The following DLGAP1 variants were observed in gnomAD, a reference collection of about 807,000 sequenced individuals.
DLGAP1 encodes disks large-associated protein 1.
Under a neutral mutation model 90.8 loss-of-function variants are expected in DLGAP1, and 11 were observed. The observed-to-expected ratio is 0.12, with a 90% CI of 0.08 to 0.20. The LOEUF (loss-of-function observed/expected upper bound fraction) is 0.20, where lower values mean the gene tolerates loss of function less well. DLGAP1 is among the 10% of genes least tolerant of loss of function. The probability of loss-of-function intolerance (pLI) is 1.00; values close to 1 mark genes in which losing one functional copy is unlikely to be tolerated. For synonymous variants in DLGAP1, 558 were observed against 540.7 expected, an observed-to-expected ratio of 1.03 and a Z score of -0.44; for missense variants, 1,050 against 1,333.8, an observed-to-expected ratio of 0.79 and a Z score of 3.31.
At chr18:4,140,933 T>C (rs2076485472) in intron 2 of DLGAP1, among the ~76,000 whole-genome samples, 1 of 151,990 alleles carries the variant, frequency 6.6e-6, no homozygotes, top group Non-Finnish European at 1.5e-5. Context: ...ATGTTATTTG[T>C]TTTTTTCTCT....
At chr18:4,272,664 C>T (rs996237118) in intron 1 of DLGAP1, among the ~76,000 whole-genome samples, 6 of 152,150 alleles carry the variant, frequency 3.9e-5, no homozygotes, top group African/African-American at 1.4e-4. Flanking sequence ...ACAGATTCAA[C>T]ATATATAAAA....
chr18:3,731,571 C>CT (rs71368708), intron 6 of DLGAP1, among the ~76,000 whole-genome samples: 29,245 of 132,118 alleles, frequency 0.22, 3,837 homozygotes, highest in East Asian at 0.51. Context: ...CCACGCCTGG[C>CT]TTTTTTTTTT....
intron 4 of DLGAP1, among the ~76,000 whole-genome samples, chr18:3,868,717 C>T (rs1237473414): frequency 3.3e-5 from 5 of 152,086 alleles, no homozygotes; most frequent in African/African-American, 7.2e-5. Context: ...GAGAAGCAGG[C>T]GAGGTAGAAT....
At chr18:3,624,272 G>A (rs1245467984) in intron 7 of DLGAP1, among the ~76,000 whole-genome samples, 2 of 152,216 alleles carry the variant, frequency 1.3e-5, no homozygotes, top group Admixed American at 1.3e-4. Context: ...TGACACTGCT[G>A]CTGGGCGAGC....
chr18:3,708,683 C>T (rs375326148), intron 7 of DLGAP1, among the ~76,000 whole-genome samples: 5 of 152,076 alleles, frequency 3.3e-5, no homozygotes, highest in Non-Finnish European at 7.4e-5. Context: ...TAAGCACAAT[C>T]GTAAGTAAGC....
chr18:3,618,387 C>A (rs2145987468), intron 7 of DLGAP1, among the ~76,000 whole-genome samples: 1 of 152,162 alleles, frequency 6.6e-6, no homozygotes, highest in South Asian at 2.1e-4. Context: ...TGTCAAACAG[C>A]CCTTTCAAAG....
intron 7 of DLGAP1, among the ~76,000 whole-genome samples, chr18:3,618,484 G>A (rs1372276340): frequency 6.6e-6 from 1 of 151,714 alleles, no homozygotes; most frequent in African/African-American, 2.4e-5. Flanking sequence ...TAGGGGAATA[G>A]CTGTGAATTG....
chr18:3,797,232 A>T (rs2148288492), intron 5 of DLGAP1, among the ~76,000 whole-genome samples: 1 of 152,000 alleles, frequency 6.6e-6, no homozygotes, highest in South Asian at 2.1e-4. Flanking sequence ...CTCAGGAGGC[A>T]GGGGAATTGC....
intron 1 of DLGAP1, among the ~76,000 whole-genome samples, chr18:4,261,821 T>A (rs1478927238): frequency 6.6e-6 from 1 of 152,120 alleles, no homozygotes; most frequent in Admixed American, 6.5e-5. Flanking sequence ...ACTAAGTGCC[T>A]ACTGAGTGCC....
chr18:3,562,222 C>A (rs1486631585), intron 9 of DLGAP1, among the ~76,000 whole-genome samples: 1 of 151,860 alleles, frequency 6.6e-6, no homozygotes, highest in Non-Finnish European at 1.5e-5. Flanking sequence ...AGCAAAAACT[C>A]CGTCTCAAAA....
rs764343589 is a variant in DLGAP1 at position 3,814,130 on chromosome 18, T to G, written c.1101A>C (p.Pro367=). 1.2e-6 allele frequency: 2 copies of G among 1,613,952 alleles called. No individual in the cohort carries two copies. Among genetic ancestry groups the G allele is most frequent in the Non-Finnish European group, 1.7e-6 (2 of 1,180,010 alleles). The part of the protein sequence containing the change: ...GDSDTSPKPS[P]KVAARRESYL... The stretch of plus-strand genomic sequence containing the variant: ...AGCTTTCTCTCCGCGCAGCAACTTT[T>G]GGAGAAGGCTTAGGACTCGTGTCTG... The change falls in exon 5 of 13, where the codon CCA becomes CCC. Residue 367 remains proline (P), a synonymous_variant. Coordinates refer to ENST00000315677, the MANE Select transcript of DLGAP1 (RefSeq NM_004746.4).
chr18:3,564,102 G>GT (rs2054300085), intron 9 of DLGAP1, among the ~76,000 whole-genome samples: 1 of 152,124 alleles, frequency 6.6e-6, no homozygotes, highest in African/African-American at 2.4e-5. Flanking sequence ...TTCAAACTGT[G>GT]TTTTTTACCT....
At chr18:4,062,064 G>A (rs2075306199) in intron 2 of DLGAP1, among the ~76,000 whole-genome samples, 1 of 152,102 alleles carries the variant, frequency 6.6e-6, no homozygotes, top group Non-Finnish European at 1.5e-5. Flanking sequence ...AGTAATCCTT[G>A]TGTGACTTTT....
In DLGAP1 at chr18:4,087,115, T is replaced by C. The variant is rs1328854863; in HGVS notation, c.-159+64065A>G. On this transcript the variant is annotated intron_variant, in intron 2 of 12. Transcript: ENST00000315677. ...TATGTATATATGTGCTATATATATA[T>C]ACACACACACATTCTGAGACATATA... 1.1e-4 allele frequency among the ~76,000 whole-genome samples: 14 copies of C among 130,300 alleles called. 1 individual carries two copies. In the East Asian group the frequency reaches 1.4e-3, roughly 13 times the overall value. The allele number at this position is 130,300 out of a possible 152,430, so 85.5% of individuals were successfully genotyped here.
chr18:3,829,422 G>A (rs2148543058), intron 4 of DLGAP1, among the ~76,000 whole-genome samples: 2 of 114,664 alleles, frequency 1.7e-5, no homozygotes, highest in South Asian at 6.3e-4. Flanking sequence ...TTGTGCAATA[G>A]ATCCAAGACT....
intron 5 of DLGAP1, among the ~76,000 whole-genome samples, chr18:3,807,849 G>A (rs2066638347): frequency 6.6e-6 from 1 of 152,200 alleles, no homozygotes; most frequent in South Asian, 2.1e-4. Flanking sequence ...AGGCACACAA[G>A]GAGTTCTCTC....
chr18:4,381,067 G>T (rs375546010), intron 1 of DLGAP1, among the ~76,000 whole-genome samples: 1 of 152,130 alleles, frequency 6.6e-6, no homozygotes, highest in East Asian at 1.9e-4. Flanking sequence ...ATCATACATA[G>T]TATCACCCAG....
At chr18:4,159,576 G>A (rs183899782) in intron 1 of DLGAP1, among the ~76,000 whole-genome samples, 4 of 152,012 alleles carry the variant, frequency 2.6e-5, no homozygotes, top group South Asian at 2.1e-4. Flanking sequence ...AGCTCCCCAC[G>A]GAATGAACCT....
intron 9 of DLGAP1, among the ~76,000 whole-genome samples, chr18:3,547,525 C>T (rs9945064): frequency 0.43 from 64,315 of 151,180 alleles, 16,058 homozygotes; most frequent in African/African-American, 0.7. Context: ...CAATCAACAT[C>T]ATTAGTCATT....
Sources: allele counts gnomAD v4.1 joint callset (sites outside exome capture counted in the v4.1 genomes callset), GRCh38; gene constraint gnomAD v4.1.1; transcripts MANE v1.5; gene names NCBI Gene and HGNC (gene_info 2026-07-23, HGNC 2026-07-21).